Variants in ADCK1 observed in about 807,000 individuals in gnomAD.
The protein encoded by ADCK1 is aarF domain containing kinase 1.
A neutral mutation model predicts 52.3 loss-of-function variants in ADCK1; 41 were observed. The ratio of observed to expected loss-of-function variants is 0.78; its 90% CI spans 0.61 to 1.02. ADCK1 has a LOEUF of 1.02. ADCK1 is among the 50% of genes least tolerant of loss of function. The pLI is 0.00. For synonymous variants in ADCK1, 250 were observed against 274.6 expected (o/e 0.91, Z 0.89); for missense variants, 658 against 679.5 (o/e 0.97, Z 0.35).
intron 4 of ADCK1, among the ~76,000 whole-genome samples, chr14:77,875,844 C>A (rs1395092348): frequency 6.6e-6 from 1 of 152,214 alleles, no homozygotes; most frequent in Non-Finnish European, 1.5e-5. Flanking sequence ...GTGTCCTCGC[C>A]TGGCATGGCA....
chr14:77,931,976 C>G (rs2084352058), intron 10 of ADCK1, among the ~76,000 whole-genome samples: 4 of 152,334 alleles, frequency 2.6e-5, no homozygotes, highest in Admixed American at 1.3e-4. Context: ...GGCCAGTGCT[C>G]TTTGTCCTAT....
At chr14:77,903,267 G>T (rs1345518430) in intron 6 of ADCK1, among the ~76,000 whole-genome samples, 2 of 152,266 alleles carry the variant, frequency 1.3e-5, no homozygotes, top group Non-Finnish European at 2.9e-5. Context: ...CAAGGGGGAA[G>T]TGAATTTTGC....
intron 1 of ADCK1, among the ~76,000 whole-genome samples, chr14:77,805,093 C>T (rs76099037): frequency 0.17 from 25,923 of 150,722 alleles, 2,507 homozygotes; most frequent in Middle Eastern, 0.23. Flanking sequence ...GCAATCCCAG[C>T]TACTTGGGAG....
intron 3 of ADCK1, among the ~76,000 whole-genome samples, chr14:77,843,964 CTG>C (rs1486044488): frequency 2.0e-5 from 3 of 152,214 alleles, no homozygotes; most frequent in Non-Finnish European, 2.9e-5. Context: ...CATTTGGAAA[CTG>C]TCCCATTTCA....
intron 7 of ADCK1, among the ~76,000 whole-genome samples, chr14:77,915,197 T>A (rs75178616): frequency 6.7e-6 from 1 of 149,206 alleles, no homozygotes; most frequent in African/African-American, 2.5e-5. Flanking sequence ...TTTTTTTTTT[T>A]AATACTTTAA....
chr14:77,825,110 T>G (rs1263258582), intron 3 of ADCK1, among the ~76,000 whole-genome samples: 2 of 152,254 alleles, frequency 1.3e-5, no homozygotes, highest in Non-Finnish European at 2.9e-5. Context: ...CTATTTGAAT[T>G]TAATCATTTT....
chr14:77,850,047 A>G (rs2082250717), intron 3 of ADCK1, among the ~76,000 whole-genome samples: 1 of 152,208 alleles, frequency 6.6e-6, no homozygotes, highest in African/African-American at 2.4e-5. Context: ...TCAACAAAAA[A>G]TTTTAAAAAA....
chr14:77,822,537 C>G lies in ADCK1; in HGVS notation c.219+19C>G. 1 of 1,592,824 alleles carries G rather than the reference C, an allele frequency of 6.3e-7. No individual in the cohort carries two copies. The highest frequency in any genetic ancestry group is 8.6e-7 in the Non-Finnish European group (1 of 1,160,728). ...ATCTAAGGTAAGTAACCCATGGGACCCATCTGAGCCAGGCCAGGACTGGAT... is the reference window on the plus strand; with the variant it reads ...ATCTAAGGTAAGTAACCCATGGGACGCATCTGAGCCAGGCCAGGACTGGAT... On this transcript the variant is annotated intron_variant, in intron 3 of 10. Coordinates refer to ENST00000238561, the MANE Select transcript of ADCK1 (RefSeq NM_020421.4).
intron 7 of ADCK1, chr14:77,908,444 C>A: frequency 6.5e-6 from 1 of 153,584 alleles, no homozygotes; most frequent in Admixed American, 6.4e-5. Context: ...TGGGTAGGAC[C>A]TGTCCCTCAC....
intron 1 of ADCK1, among the ~76,000 whole-genome samples, chr14:77,804,211 G>C (rs969618667): frequency 1.3e-5 from 2 of 152,178 alleles, no homozygotes; most frequent in Admixed American, 1.3e-4. Context: ...CTAGTAAGCA[G>C]AACAGGGCAG....
intron 9 of ADCK1, among the ~76,000 whole-genome samples, chr14:77,930,612 A>T (rs768878572): frequency 2.3e-4 from 35 of 152,180 alleles, no homozygotes; most frequent in Non-Finnish European, 4.1e-4. Flanking sequence ...GCCTGGGTTC[A>T]CGTCCCATCT....
intron 3 of ADCK1, 108 bp from the exon 4 acceptor site, chr14:77,858,968 C>A: frequency 9.7e-7 from 1 of 1,028,014 alleles, no homozygotes; most frequent in Non-Finnish European, 1.4e-6. Context: ...CTGCCCTGGG[C>A]ATTGTGGGGT....
Position 77,931,641 on chromosome 14 carries a change from GC to G in ADCK1, c.1333del (p.Leu445TrpfsTer21). The G allele has an allele frequency of 6.2e-7, 1 of 1,612,102 alleles. No homozygotes were observed. On this transcript the variant is annotated frameshift_variant, in exon 10 of 11. Transcript: ENST00000238561. LOFTEE classifies it high-confidence loss of function. ...TNDLLRGIEA[A>X]LGTRASASSF... ...CGACCTGCTGCGTGGCATTGAGGCCGCCCTGGGCACCCGCGCCAGCGCCAGC... is the reference window on the plus strand; with the variant it reads ...CGACCTGCTGCGTGGCATTGAGGCCGCCTGGGCACCCGCGCCAGCGCCAGC...
At chr14:77,818,917 A>T in intron 1 of ADCK1, 51 bp from the exon 2 acceptor site, 1 of 1,592,816 alleles carries the variant, frequency 6.3e-7, no homozygotes, top group Non-Finnish European at 8.6e-7. Flanking sequence ...AGTTTGACTA[A>T]CTATGAAACT....
chr14:77,889,660 A>G (rs1197446639), intron 5 of ADCK1, among the ~76,000 whole-genome samples: 1 of 152,204 alleles, frequency 6.6e-6, no homozygotes, highest in African/African-American at 2.4e-5. Flanking sequence ...TGGGAAATGG[A>G]AGTTCTTATA....
rs2082714178 is a variant in ADCK1 at position 77,868,716 on chromosome 14, C to G, written c.423+9437C>G. Among the ~76,000 whole-genome samples the G allele has an allele frequency of 3.3e-5, 5 of 152,166 alleles. No homozygotes were observed. The South Asian group carries it at 1.0e-3, about 32-fold the overall frequency. ...CTTCCTGCAGATAAAAGGCCTCAAC[C>G]CATGGTGGCCCCATTCACTAACCCC... On this transcript the variant is annotated intron_variant, in intron 4 of 10. Transcript: ENST00000238561.
At chr14:77,826,844 C>G (rs942031566) in intron 3 of ADCK1, among the ~76,000 whole-genome samples, 1 of 152,156 alleles carries the variant, frequency 6.6e-6, no homozygotes, top group Admixed American at 6.5e-5. Flanking sequence ...GCCAGGTGAT[C>G]AGCGGAGTCT....
intron 7 of ADCK1, among the ~76,000 whole-genome samples, chr14:77,911,142 C>T (rs568861618): frequency 1.3e-5 from 2 of 152,276 alleles, no homozygotes; most frequent in African/African-American, 4.8e-5. Flanking sequence ...CTCTCCTATA[C>T]AGTATATATT....
At chr14:77,904,428 C>T (rs924108039) in intron 6 of ADCK1, among the ~76,000 whole-genome samples, 3 of 152,232 alleles carry the variant, frequency 2.0e-5, no homozygotes, top group Non-Finnish European at 4.4e-5. Flanking sequence ...CCAAATCTGC[C>T]GGTCTGACTG....
Sources: allele counts gnomAD v4.1 joint callset (sites outside exome capture counted in the v4.1 genomes callset), GRCh38; gene constraint gnomAD v4.1.1; transcripts MANE v1.5; gene names NCBI Gene and HGNC (gene_info 2026-07-23, HGNC 2026-07-21).